The following STAB1 variants were observed in gnomAD, a reference collection of about 807,000 sequenced individuals.
The protein encoded by STAB1 is stabilin-1.
In STAB1, 250 loss-of-function variants were observed where a neutral mutation model predicts 332.4. The ratio of observed to expected loss-of-function variants is 0.75; its 90% CI spans 0.68 to 0.84. The LOEUF (loss-of-function observed/expected upper bound fraction) is 0.84. Ranked by LOEUF, STAB1 falls within the 40% of genes least tolerant of loss-of-function variation. The probability of loss-of-function intolerance (pLI) is 0.00; values close to 1 mark genes in which losing one functional copy is unlikely to be tolerated. For synonymous variants in STAB1, 1,475 were observed against 1,390.4 expected, an observed-to-expected ratio of 1.06 and a Z score of -1.35; for missense variants, 3,249 against 3,489.7, an observed-to-expected ratio of 0.93 and a Z score of 1.74.
chr3:52,505,505 C>A, intron 14 of STAB1, 124 bp downstream of exon 14: 1 of 1,220,920 alleles, frequency 8.2e-7, no homozygotes, highest in Non-Finnish European at 1.2e-6. Context: ...TGCCCATGCC[C>A]CCGTCCTCAA....
At position 52,505,604 on chromosome 3, in the gene STAB1, C is replaced by T. The variant is rs949844764; in HGVS notation, c.1582-64C>T. 3.3e-6 allele frequency: 5 copies of T among 1,527,194 alleles called. No homozygotes were observed. The East Asian group carries it at 6.9e-5, about 21-fold the overall frequency. 94.6% of individuals were successfully genotyped at this position (1,527,194 alleles called of 1,614,324 possible). A position where few individuals can be genotyped will look rare whatever the true frequency, so the allele number is the denominator to read the frequency against. ...CCTGCAGGCCAAAGGTGGCAGGGCC[C>T]AGGCAGGACTCAGAGGTGGAGGCTG... On this transcript the variant is annotated intron_variant, in intron 14 of 68. Coordinates refer to ENST00000321725, the MANE Select transcript of STAB1 (RefSeq NM_015136.3).
Position 52,507,558 on chromosome 3 carries a change from C to T in STAB1, c.1990-55C>T, listed in dbSNP as rs149280176. 191 of 1,560,698 alleles carry T rather than the reference C, an allele frequency of 1.2e-4. 2 individuals are homozygous for T. The East Asian group carries it at 3.6e-3, about 29-fold the overall frequency. On this transcript the variant is annotated intron_variant, in intron 18 of 68. Transcript: ENST00000321725. ...TCAATGTTCCCTTCTCTGGGTTTGC[C>T]GAGTAAATAAACAATGACTAACCCC...
chr3:52,516,214 C>A lies in STAB1; in HGVS notation c.4120C>A (p.Arg1374Ser). The change falls in exon 38 of 69, where the codon CGC (arginine) becomes AGC (serine). Residue 1374 changes from arginine to serine, a missense_variant. Coordinates refer to ENST00000321725, the MANE Select transcript of STAB1 (RefSeq NM_015136.3). ...GGCCTGTGAGGTGTGTGAGCTGGGC[C>A]GCTACGGGCCCAACTGCACCGGAGG... is the stretch of plus-strand genomic sequence containing the variant. ...GTACEVCELG[R>S]YGPNCTGVCD... The A allele has an allele frequency of 6.2e-7, 1 of 1,611,980 alleles. No individual in the cohort carries two copies. Among genetic ancestry groups the A allele is most frequent in the Non-Finnish European group, 8.5e-7 (1 of 1,179,626 alleles).
rs763008908 is a variant in STAB1 at position 52,522,057 on chromosome 3, G to A, written c.6292G>A (p.Gly2098Arg). ...VCTVADLCQD[G>R]HGGCSEHANC... is the part of the protein sequence containing the mutation. The stretch of plus-strand genomic sequence containing the variant: ...CTCAGTGGCAGACCTGTGCCAGGAC[G>A]GGCATGGTGGCTGCAGTGAGCACGC... Residue 2098 changes from glycine to arginine, a missense_variant, in exon 59 of 69, where the codon GGG (glycine) becomes AGG (arginine). Gly to Arg is a moderately radical substitution (Grantham distance 125, BLOSUM62 -2). Transcript: ENST00000321725. 16 of 1,613,230 alleles carry A rather than the reference G, an allele frequency of 9.9e-6. No individual in the cohort carries two copies. Among genetic ancestry groups the A allele is most frequent in the Middle Eastern group, 1.6e-4 (1 of 6,084 alleles).
intron 1 of STAB1, among the ~76,000 whole-genome samples, chr3:52,497,969 C>T (rs1052130494): frequency 6.6e-5 from 10 of 152,150 alleles, no homozygotes; most frequent in African/African-American, 2.4e-4. Context: ...TCACCGAGGG[C>T]ACGTGGCTAG....
intron 1 of STAB1, among the ~76,000 whole-genome samples, chr3:52,497,942 G>A (rs570045625): frequency 1.8e-4 from 28 of 152,314 alleles, no homozygotes; most frequent in African/African-American, 6.7e-4. Context: ...CTTAGCACTT[G>A]CCCATTCAGC....
intron 14 of STAB1, 51 bp from the exon 15 acceptor site, chr3:52,505,617 G>A (rs1369138278): frequency 6.3e-7 from 1 of 1,580,054 alleles, no homozygotes; most frequent in African/African-American, 1.3e-5. Flanking sequence ...GCAGGACTCA[G>A]AGGTGGAGGC....
chr3:52,504,031 T>C lies in STAB1; in HGVS notation c.1026T>C (p.Cys342=), dbSNP rs1262889639. ...CTGGCTCTCCCTGGGAGCCCAGCTG[T>C]GTGTGCAGGGAAAGCGAGGTGGGGG... ...CQVTADGKTS[C]VCRESEVGDG... is the part of the protein sequence containing the mutation. The change falls in exon 10 of 69, where the codon TGT becomes TGC. Residue 342 remains cysteine (C), a synonymous_variant. Transcript: ENST00000321725. 1 of 1,603,952 alleles carries C rather than the reference T, an allele frequency of 6.2e-7. No individual in the cohort carries two copies. Among genetic ancestry groups the C allele is most frequent in the African/African-American group, 1.3e-5 (1 of 74,704 alleles).
Position 52,517,861 on chromosome 3 carries a change from C to T in STAB1, c.4639-20C>T. The T allele has an allele frequency of 6.2e-7, 1 of 1,611,988 alleles. No homozygotes were observed. Among genetic ancestry groups the T allele is most frequent in the Non-Finnish European group, 8.5e-7 (1 of 1,179,662 alleles). On this transcript the variant is annotated intron_variant, in intron 44 of 68. Coordinates refer to ENST00000321725, the MANE Select transcript of STAB1 (RefSeq NM_015136.3). ...AGTAGTGAAAGCCACTGATACCTTC[C>T]TCTCCTGTCCCTGACTCAGAACAAT... is the stretch of plus-strand genomic sequence containing the variant.
intron 10 of STAB1, 141 bp downstream of exon 10, chr3:52,504,296 AG>A (rs1157383641): frequency 1.4e-6 from 2 of 1,436,494 alleles, no homozygotes; most frequent in African/African-American, 2.8e-5. Flanking sequence ...GGGTGCATGC[AG>A]GGGGTGGGAG....
Position 52,509,316 on chromosome 3 carries a change from A to T in STAB1, c.2342A>T (p.Gln781Leu), listed in dbSNP as rs372129342. 1 of 1,613,088 alleles carries T rather than the reference A, an allele frequency of 6.2e-7. No homozygotes were observed. The highest frequency in any genetic ancestry group is 2.2e-5 in the East Asian group (1 of 44,894). ...CCAAACAAGCATGGAGAGCAATGCCAGGAAGGTGGGTGGTCCTGGCTCAGG... is the reference window on the plus strand; with the variant it reads ...CCAAACAAGCATGGAGAGCAATGCCTGGAAGGTGGGTGGTCCTGGCTCAGG... ...SNPNKHGEQC[Q>L]EDCGCVHGLC... The change falls in exon 22 of 69, where the codon CAG (glutamine) becomes CTG (leucine). Residue 781 changes from glutamine (Q) to leucine (L), a missense_variant. Gln to Leu is a moderately radical substitution (Grantham distance 113, BLOSUM62 -2). Transcript: ENST00000321725.
At chr3:52,520,603 T>C (rs755733052) in intron 53 of STAB1, 39 bp from the exon 54 acceptor site, 1 of 1,612,760 alleles carries the variant, frequency 6.2e-7, no homozygotes, top group Non-Finnish European at 8.5e-7. Flanking sequence ...GTGGTGTCCA[T>C]CCACCTGACT....
chr3:52,518,269 A>T, intron 45 of STAB1, 43 bp from the exon 46 acceptor site: 1 of 1,607,798 alleles, frequency 6.2e-7, no homozygotes, highest in Non-Finnish European at 8.5e-7. Flanking sequence ...CCAGGCCCTG[A>T]ATGGGGGCCG....
In STAB1 at chr3:52,504,014, C is replaced by T. The variant is rs1263578602; in HGVS notation, c.1023-14C>T. ...CTCAGCCTCCGCCCTGACTGGCTCT[C>T]CCTGGGAGCCCAGCTGTGTGTGCAG... On this transcript the variant is annotated splice_polypyrimidine_tract_variant and intron_variant, in intron 9 of 68. Transcript: ENST00000321725. The T allele has an allele frequency of 2.5e-6, 4 of 1,607,276 alleles. No homozygotes were observed. Among genetic ancestry groups the T allele is most frequent in the Non-Finnish European group, 1.7e-6 (2 of 1,177,320 alleles).
Position 52,504,528 on chromosome 3 carries a change from C to T in STAB1, c.1218C>T (p.Ser406=), listed in dbSNP as rs140100864. 6.2e-7 allele frequency: 1 copy of T among 1,614,084 alleles called. No individual in the cohort carries two copies. Among genetic ancestry groups the T allele is most frequent in the East Asian group, 2.2e-5 (1 of 44,890 alleles). The change falls in exon 11 of 69, where the codon TCC becomes TCT. Residue 406 remains serine, a synonymous_variant. Coordinates refer to ENST00000321725, the MANE Select transcript of STAB1 (RefSeq NM_015136.3). ...PFTVLVPSVS[S]FSSRTMNASL... ...CCGTGCTGGTGCCATCCGTCTCCTC[C>T]TTCTCCTCCAGGACCATGAATGTAA...
rs188907447 is a variant in STAB1, at chr3:52,522,428, A to G, written c.6564A>G (p.Pro2188=). 10 of 1,612,892 alleles carry G rather than the reference A, an allele frequency of 6.2e-6. No homozygotes were observed. Among genetic ancestry groups the G allele is most frequent in the Middle Eastern group, 1.6e-4 (1 of 6,062 alleles). ...EPPVDRCLGQ[P]PPCHSDAMCT... ...CTGTGGACCGCTGCTTGGGCCAGCC[A>G]CCGCCCTGCCACTCAGATGCCATGT... is the stretch of plus-strand genomic sequence containing the variant. The change falls in exon 60 of 69, where the codon CCA becomes CCG. Residue 2188 remains proline (P), a synonymous_variant. Coordinates refer to ENST00000321725, the MANE Select transcript of STAB1 (RefSeq NM_015136.3).
chr3:52,505,678 T>C lies in STAB1; in HGVS notation c.1592T>C (p.Leu531Pro). ...RFETILENCGLPSILDGPGPF... is the reference protein window; with the variant it reads ...RFETILENCGPPSILDGPGPF... ...CTTGCACCACCACAGAACTGTGGGC[T>C]GCCCTCCATCCTGGACGGACCTGGG... Residue 531 changes from leucine (L) to proline (P), a missense_variant, in exon 15 of 69, where the codon CTG (leucine) becomes CCG (proline). Transcript: ENST00000321725. 6.2e-7 allele frequency: 1 copy of C among 1,613,532 alleles called. No homozygotes were observed. Among genetic ancestry groups the C allele is most frequent in the Non-Finnish European group, 8.5e-7 (1 of 1,180,004 alleles).
At chr3:52,507,529 C>T in intron 18 of STAB1, 84 bp from the exon 19 acceptor site, 2 of 1,411,994 alleles carry the variant, frequency 1.4e-6, no homozygotes, top group Non-Finnish European at 9.7e-7. Context: ...CCCTTAATCC[C>T]CACTCAATGT....
At chr3:52,501,450 G>A (rs1708435190) in intron 2 of STAB1, 148 bp downstream of exon 2, 1 of 1,307,814 alleles carries the variant, frequency 7.6e-7, no homozygotes, top group African/African-American at 1.5e-5. Flanking sequence ...GATAGGCGGG[G>A]AGGAAGGGGT....
Sources: allele counts gnomAD v4.1 joint callset (sites outside exome capture counted in the v4.1 genomes callset), GRCh38; gene constraint gnomAD v4.1.1; transcripts MANE v1.5; gene names NCBI Gene and HGNC (gene_info 2026-07-23, HGNC 2026-07-21).